The following ZNF391 variants were observed in gnomAD, a reference collection of about 807,000 sequenced individuals.
ZNF391 encodes the protein zinc finger protein 391.
For missense variants in ZNF391, 375 were observed against 425.5 expected (o/e 0.88, Z 1.04); for synonymous variants, 126 against 142.1 (o/e 0.89, Z 0.80).
intron 1 of ZNF391, among the ~76,000 whole-genome samples, chr6:27,382,273 G>T (rs1176349874): frequency 6.6e-6 from 1 of 151,984 alleles, no homozygotes; most frequent in Non-Finnish European, 1.5e-5. Context: ...AGAATCGCTT[G>T]AACCCGGGAG....
intron 1 of ZNF391, among the ~76,000 whole-genome samples, chr6:27,396,792 T>C (rs945987974): frequency 6.6e-6 from 1 of 152,198 alleles, no homozygotes; most frequent in East Asian, 1.9e-4. Context: ...CTATGCAAAA[T>C]ACTTTGTATG....
chr6:27,388,540 C>T (rs896552795), upstream of ZNF391, among the ~76,000 whole-genome samples: 28 of 152,304 alleles, frequency 1.8e-4, no homozygotes, highest in African/African-American at 5.8e-4. Context: ...TGTGAACCAC[C>T]GGTCTAGGCT....
chr6:27,380,841 C>T (rs545701496), intron 1 of ZNF391, among the ~76,000 whole-genome samples: 3 of 152,196 alleles, frequency 2.0e-5, no homozygotes, highest in South Asian at 4.2e-4. Flanking sequence ...TACAGAGTGT[C>T]GATTGGTGCA....
chr6:27,393,158 C>T (rs980963), intron 1 of ZNF391, among the ~76,000 whole-genome samples: 108,069 of 152,074 alleles, frequency 0.71, 38,609 homozygotes, highest in Middle Eastern at 0.8. Flanking sequence ...AACAACTACA[C>T]TTTGAGACTC....
intron 1 of ZNF391, among the ~76,000 whole-genome samples, chr6:27,399,164 G>A (rs1761895460): frequency 6.6e-6 from 1 of 152,090 alleles, no homozygotes; most frequent in Non-Finnish European, 1.5e-5. Flanking sequence ...AGACTTGCTG[G>A]GTCCAAAGCA....
chr6:27,388,255 A>G (rs1167407137), upstream of ZNF391, among the ~76,000 whole-genome samples: 1 of 152,148 alleles, frequency 6.6e-6, no homozygotes, highest in Non-Finnish European at 1.5e-5. Flanking sequence ...TAAAAAATCT[A>G]CTAGATTAGG....
chr6:27,390,864 C>CA (rs1187301892), intron 1 of ZNF391: 1 of 152,152 alleles, frequency 6.6e-6, no homozygotes, highest in Non-Finnish European at 1.5e-5. Flanking sequence ...TAAGAAAAGA[C>CA]AAGCACATGC....
At chr6:27,388,556 T>C (rs1303982577), upstream of ZNF391, among the ~76,000 whole-genome samples, 1 of 152,218 alleles carries the variant, frequency 6.6e-6, no homozygotes, top group Non-Finnish European at 1.5e-5. Context: ...AGGCTATACT[T>C]TGCAGTGTAT....
In ZNF391 at chr6:27,399,131, A is replaced by T. The variant is rs79913114; in HGVS notation, c.-187-311A>T. On this transcript the variant is annotated intron_variant, in intron 1 of 2. Coordinates refer to ENST00000244576, the MANE Select transcript of ZNF391 (RefSeq NM_001076781.3). ...TTGTCAAGTCACATGAACGTATTAA[A>T]ATACAAATGCCTGGGTCCCATCAGA... Among the ~76,000 whole-genome samples the T allele has an allele frequency of 6.6e-3, 1,005 of 152,300 alleles. 14 individuals carry two copies. Among genetic ancestry groups the T allele is most frequent in the African/African-American group, 0.023 (968 of 41,558 alleles).
At chr6:27,392,177 C>T (rs1761728520) in intron 1 of ZNF391, among the ~76,000 whole-genome samples, 1 of 152,214 alleles carries the variant, frequency 6.6e-6, no homozygotes, top group South Asian at 2.1e-4. Context: ...GTGCCTATAG[C>T]TCTGGGCCTC....
chr6:27,387,069 G>C (rs1012710097), upstream of ZNF391, among the ~76,000 whole-genome samples: 2 of 152,138 alleles, frequency 1.3e-5, no homozygotes, highest in Non-Finnish European at 1.5e-5. Context: ...CTCCAAAGAA[G>C]ACACACAAAT....
Position 27,400,497 on chromosome 6 carries a change from G to C in ZNF391, c.127G>C (p.Val43Leu), listed in dbSNP as rs201252236. ...QKKSSFENTV[V>L]RKVSVTLKEI... ...GAAATCCTCTTTTGAGAACACAGTG[G>C]TCAGAAAAGTGTCAGTGACACTCAA... The change falls in exon 3 of 3, where the codon GTC becomes CTC. Residue 43 changes from valine (V) to leucine (L), a missense_variant. Physicochemically the swap from Val to Leu is conservative, Grantham distance 32. Transcript: ENST00000244576. The C allele has an allele frequency of 6.2e-7, 1 of 1,614,050 alleles. No homozygotes were observed. Among genetic ancestry groups the C allele is most frequent in the South Asian group, 1.1e-5 (1 of 91,086 alleles).
At chr6:27,385,869 G>A (rs933259285), upstream of ZNF391, among the ~76,000 whole-genome samples, 9 of 152,228 alleles carry the variant, frequency 5.9e-5, no homozygotes, top group African/African-American at 2.2e-4. Flanking sequence ...TATAGACCAT[G>A]TTCTGGGCTG....
At chr6:27,399,242 C>G (rs1761897233) in intron 1 of ZNF391, among the ~76,000 whole-genome samples, 200 bp from the exon 2 acceptor site, 1 of 152,018 alleles carries the variant, frequency 6.6e-6, no homozygotes, top group Non-Finnish European at 1.5e-5. Context: ...TGTATGTAAC[C>G]TGTGTGTGTG....
Position 27,376,785 on chromosome 6 carries a change from G to A in ZNF391, n.523+1648G>A, listed in dbSNP as rs146304056. Among the ~76,000 whole-genome samples the A allele has an allele frequency of 0.019, 2,875 of 152,200 alleles. 41 individuals carry two copies. The highest frequency in any genetic ancestry group is 0.041 in the South Asian group (196 of 4,826). ...GGAGAATTGCTTGAACCCAGGAGGT[G>A]GAGGTTGCAGTGAGCCGAGATTGCG... On this transcript the variant is annotated intron_variant and non_coding_transcript_variant, in intron 1 of 2. Transcript: ENST00000477999. The surrounding 1 kb of genome is among the most constrained non-coding windows in gnomAD (Gnocchi z 4.7).
At chr6:27,391,307 C>T (rs1021985831) in intron 1 of ZNF391, among the ~76,000 whole-genome samples, 6 of 149,150 alleles carry the variant, frequency 4.0e-5, no homozygotes, top group Non-Finnish European at 7.4e-5. Context: ...TGGGTTCAAG[C>T]GATTCTCCTG....
upstream of ZNF391, among the ~76,000 whole-genome samples, chr6:27,385,919 A>G (rs1761576964): frequency 6.6e-6 from 1 of 152,160 alleles, no homozygotes; most frequent in Non-Finnish European, 1.5e-5. Context: ...TAGAAATCAT[A>G]CAATGATTTA....
chr6:27,384,589 C>T (rs1156280113), upstream of ZNF391, among the ~76,000 whole-genome samples: 4 of 151,516 alleles, frequency 2.6e-5, no homozygotes, highest in African/African-American at 9.7e-5. Flanking sequence ...AAAGTTTGCT[C>T]AAAATAATAA....
intron 1 of ZNF391, among the ~76,000 whole-genome samples, chr6:27,396,052 G>C (rs1247197710): frequency 6.6e-6 from 1 of 152,128 alleles, no homozygotes; most frequent in South Asian, 2.1e-4. Context: ...GTATTCATCT[G>C]TCATGTAATT....
Sources: allele counts gnomAD v4.1 joint callset (sites outside exome capture counted in the v4.1 genomes callset), GRCh38; gene constraint gnomAD v4.1.1; non-coding constraint Gnocchi (gnomAD v3.1); transcripts MANE v1.5; gene names NCBI Gene and HGNC (gene_info 2026-07-23, HGNC 2026-07-21).